ATXN8OS: variants seen among roughly 807,000 people sequenced by gnomAD.
The protein encoded by ATXN8OS is ATXN8 opposite strand lncRNA.
chr13:70,139,489 T>C, intron 3 of ATXN8OS: 1 of 630,060 alleles, frequency 1.6e-6, no homozygotes, highest in Non-Finnish European at 2.8e-6. Flanking sequence ...TATATATTTT[T>C]CCACACTTCC....
chr13:70,169,942 C>G (rs1889125567), exon 5 of ATXN8OS, among the ~76,000 whole-genome samples: 2 of 152,114 alleles, frequency 1.3e-5, no homozygotes, highest in South Asian at 2.1e-4. Context: ...CCAGCTTCTT[C>G]TGCCCAAACC....
At chr13:70,129,391 G>C (rs1044895464) in intron 2 of ATXN8OS, among the ~76,000 whole-genome samples, 12 of 151,854 alleles carry the variant, frequency 7.9e-5, no homozygotes, top group Non-Finnish European at 1.2e-4. Context: ...GTGTGTGTGT[G>C]TGTGTGTGTG....
In ATXN8OS at chr13:70,137,451, A is replaced by T. The variant is rs573224282; in HGVS notation, n.499+7567A>T. Among the ~76,000 whole-genome samples, 6 of 152,286 alleles carry T rather than the reference A, an allele frequency of 3.9e-5. No homozygotes were observed. In the South Asian group the frequency reaches 1.2e-3, roughly 32 times the overall value. Reference sequence around the variant, plus strand: ...TGATATATTTTAGAAGATATTCTCCATTCATATGGGTCCTTCTAGTTTGGC... The same window carrying T: ...TGATATATTTTAGAAGATATTCTCCTTTCATATGGGTCCTTCTAGTTTGGC... On this transcript the variant is annotated intron_variant and non_coding_transcript_variant, in intron 3 of 4. Transcript: ENST00000678624.
intron 3 of ATXN8OS, among the ~76,000 whole-genome samples, chr13:70,140,498 C>A (rs1395570531): frequency 2.8e-5 from 4 of 145,214 alleles, no homozygotes; most frequent in Non-Finnish European, 4.5e-5. Context: ...AATTTCACTT[C>A]CCCTAGAATT....
intron 4 of ATXN8OS, among the ~76,000 whole-genome samples, chr13:70,153,455 ATCC>A (rs1387717163): frequency 6.6e-6 from 1 of 152,078 alleles, no homozygotes; most frequent in Non-Finnish European, 1.5e-5. Context: ...TGCGCCTGTG[ATCC>A]TAGTTATTCA....
chr13:70,151,093 C>A (rs1458525847), intron 4 of ATXN8OS, among the ~76,000 whole-genome samples: 1 of 152,026 alleles, frequency 6.6e-6, no homozygotes, highest in Non-Finnish European at 1.5e-5. Context: ...ATAAAAATAT[C>A]TATCATTTCC....
chr13:70,164,590 G>A (rs1331134405), intron 4 of ATXN8OS, among the ~76,000 whole-genome samples: 2 of 152,044 alleles, frequency 1.3e-5, no homozygotes, highest in Non-Finnish European at 2.9e-5. Flanking sequence ...CTGAGCATAA[G>A]TGAAGGATAA....
At chr13:70,126,496 AATAG>A (rs1888438350) in intron 2 of ATXN8OS, among the ~76,000 whole-genome samples, 1 of 152,102 alleles carries the variant, frequency 6.6e-6, no homozygotes, top group African/African-American at 2.4e-5. Context: ...CAGGTAGATG[AATAG>A]ATATAGACAT....
At chr13:70,149,670 T>G (rs1162513770) in intron 4 of ATXN8OS, among the ~76,000 whole-genome samples, 1 of 152,120 alleles carries the variant, frequency 6.6e-6, no homozygotes, top group African/African-American at 2.4e-5. Flanking sequence ...CATAACAGAT[T>G]AGCAGTAGGC....
chr13:70,159,387 A>G (rs1038497091), intron 4 of ATXN8OS, among the ~76,000 whole-genome samples: 1 of 152,074 alleles, frequency 6.6e-6, no homozygotes, highest in African/African-American at 2.4e-5. Context: ...GACCTTTAGT[A>G]TACTGCTTTA....
intron 4 of ATXN8OS, among the ~76,000 whole-genome samples, chr13:70,156,948 C>G (rs925913426): frequency 2.6e-5 from 4 of 152,080 alleles, no homozygotes; most frequent in African/African-American, 9.7e-5. Flanking sequence ...TTGTGTATTA[C>G]ATTTTTCTAG....
chr13:70,167,001 A>C (rs1237101365), intron 4 of ATXN8OS, among the ~76,000 whole-genome samples: 10 of 151,884 alleles, frequency 6.6e-5, no homozygotes, highest in Non-Finnish European at 1.3e-4. Flanking sequence ...GCAATCATTA[A>C]AAAGTCAGGA....
chr13:70,158,510 C>T (rs1277514339), intron 4 of ATXN8OS, among the ~76,000 whole-genome samples: 1 of 152,204 alleles, frequency 6.6e-6, no homozygotes, highest in African/African-American at 2.4e-5. Context: ...CCATCGGTCC[C>T]TTTCAACAAT....
intron 1 of ATXN8OS, among the ~76,000 whole-genome samples, chr13:70,108,996 G>A (rs1329194996): frequency 6.6e-6 from 1 of 152,152 alleles, no homozygotes; most frequent in East Asian, 1.9e-4. Flanking sequence ...CGGGTTTTGC[G>A]AAATCAGTGC....
intron 3 of ATXN8OS, among the ~76,000 whole-genome samples, chr13:70,133,221 C>T (rs1342033756): frequency 2.6e-5 from 4 of 152,102 alleles, no homozygotes; most frequent in African/African-American, 4.8e-5. Context: ...GCCTTGGTAA[C>T]ATGGTGAGAC....
chr13:70,128,943 C>T (rs969755603), intron 2 of ATXN8OS, among the ~76,000 whole-genome samples: 14 of 152,090 alleles, frequency 9.2e-5, no homozygotes, highest in African/African-American at 3.4e-4. Flanking sequence ...TCACTGCAAC[C>T]TCCACCTCCC....
Position 70,115,058 on chromosome 13 carries a change from G to C in ATXN8OS, n.241-83G>C, listed in dbSNP as rs886921650. The stretch of plus-strand genomic sequence containing the variant: ...TGTGTGTGTGTGTGTGCATGTGTGG[G>C]TGTGTTAGTCCCTTTTGTGCTGCTA... On this transcript the variant is annotated intron_variant and non_coding_transcript_variant, in intron 1 of 4. Coordinates refer to ENST00000678624, the Ensembl canonical transcript of ATXN8OS. 1.5e-4 allele frequency: 59 copies of C among 395,134 alleles called. 1 individual carries two copies. The highest frequency in any genetic ancestry group is 5.7e-4 in the Admixed American group (13 of 22,618). 24.5% of individuals were successfully genotyped at this position (395,134 alleles called of 1,614,324 possible).
chr13:70,136,133 A>G (rs1033342146), intron 3 of ATXN8OS, among the ~76,000 whole-genome samples: 13 of 152,258 alleles, frequency 8.5e-5, no homozygotes, highest in African/African-American at 3.1e-4. Context: ...TTGCGGGGGC[A>G]AGTCTGATCA....
At position 70,141,976 on chromosome 13, in the gene ATXN8OS, C is replaced by T. The variant is rs371271530; in HGVS notation, n.500-5379C>T. Among the ~76,000 whole-genome samples the T allele has an allele frequency of 4.3e-4, 65 of 152,114 alleles. 1 individual carries two copies. The South Asian group carries it at 0.011, about 26-fold the overall frequency. On this transcript the variant is annotated intron_variant and non_coding_transcript_variant, in intron 3 of 4. Transcript: ENST00000678624. ...TCGGCTCACTGCAACCTGCACCTCG[C>T]GGGTTCAAGCGATTTGCCTGCCTCA...
Sources: allele counts gnomAD v4.1 joint callset (sites outside exome capture counted in the v4.1 genomes callset), GRCh38; gene constraint gnomAD v4.1.1; transcripts MANE v1.5; gene names NCBI Gene and HGNC (gene_info 2026-07-23, HGNC 2026-07-21).